The following CDH13 variants were observed in gnomAD, a reference collection of about 807,000 sequenced individuals.
CDH13 encodes the protein cadherin-13.
CDH13 carries 24 observed loss-of-function variants against 63.8 expected under a neutral mutation model. The observed-to-expected ratio is 0.38, with a 90% CI of 0.27 to 0.53. The LOEUF (loss-of-function observed/expected upper bound fraction) is 0.53, where lower values mean the gene tolerates loss of function less well. Among genes scored for constraint, CDH13 ranks in the 20% least tolerant of loss-of-function variants. CDH13 has a pLI of 0.85. For synonymous variants in CDH13, 503 were observed against 355.3 expected, an observed-to-expected ratio of 1.42 and a Z score of -4.67; for missense variants, 1,049 against 903.1, an observed-to-expected ratio of 1.16 and a Z score of -2.07.
chr16:83,235,777 T>C (rs1381884312), intron 5 of CDH13, among the ~76,000 whole-genome samples: 1 of 152,184 alleles, frequency 6.6e-6, no homozygotes, highest in Non-Finnish European at 1.5e-5. Context: ...TTAAGCACGT[T>C]ATATTTTAAG....
chr16:83,186,626 A>G lies in CDH13; in HGVS notation c.484-30719A>G, dbSNP rs73606340. On this transcript the variant is annotated intron_variant, in intron 4 of 13. Transcript: ENST00000567109. ...TGTTTAATCTACCCCTTCTCTGCCC[A>G]AGACTGTAGTATGTCGTCAGGGTTG... is the stretch of plus-strand genomic sequence containing the variant. Among the ~76,000 whole-genome samples, 1,138 of 152,270 alleles carry G rather than the reference A, an allele frequency of 7.5e-3. 14 individuals carry two copies. Among genetic ancestry groups the G allele is most frequent in the African/African-American group, 0.026 (1,094 of 41,544 alleles).
At chr16:82,982,955 T>G (rs1201467846) in intron 2 of CDH13, among the ~76,000 whole-genome samples, 1 of 152,098 alleles carries the variant, frequency 6.6e-6, no homozygotes, top group Admixed American at 6.6e-5. Context: ...TTTCGTTTGC[T>G]AAGCATGGTG....
At chr16:83,729,717 A>T (rs972832051) in intron 10 of CDH13, among the ~76,000 whole-genome samples, 1 of 152,212 alleles carries the variant, frequency 6.6e-6, no homozygotes, top group Non-Finnish European at 1.5e-5. Flanking sequence ...AAGTGCTTGG[A>T]AATTCCCTGG....
At chr16:83,384,339 G>A (rs938799729) in intron 6 of CDH13, among the ~76,000 whole-genome samples, 5 of 152,082 alleles carry the variant, frequency 3.3e-5, no homozygotes, top group Non-Finnish European at 7.4e-5. Flanking sequence ...CATATCCCAG[G>A]CTACCAGCAG....
intron 2 of CDH13, among the ~76,000 whole-genome samples, chr16:82,880,290 A>G (rs1201918850): frequency 6.6e-6 from 1 of 152,108 alleles, no homozygotes; most frequent in Non-Finnish European, 1.5e-5. Context: ...TCAGCAAGCT[A>G]CGTGGATGAG....
chr16:82,799,864 G>A (rs1426672689), intron 1 of CDH13, among the ~76,000 whole-genome samples: 1 of 152,116 alleles, frequency 6.6e-6, no homozygotes, highest in Non-Finnish European at 1.5e-5. Context: ...ATGGATTTTG[G>A]CTTTATGGCA....
At chr16:83,604,579 G>T (rs552193130) in intron 8 of CDH13, among the ~76,000 whole-genome samples, 1 of 152,224 alleles carries the variant, frequency 6.6e-6, no homozygotes, top group East Asian at 1.9e-4. Context: ...GGTCTGTGGG[G>T]TTTCTCATTC....
intron 7 of CDH13, among the ~76,000 whole-genome samples, chr16:83,491,606 A>G (rs143071140): frequency 5.3e-4 from 81 of 151,798 alleles, no homozygotes; most frequent in Non-Finnish European, 8.8e-4. Flanking sequence ...AATAGTTTCC[A>G]AAATAGACTC....
intron 1 of CDH13, among the ~76,000 whole-genome samples, chr16:82,734,622 A>G (rs941537044): frequency 1.3e-5 from 2 of 152,212 alleles, no homozygotes; most frequent in African/African-American, 4.8e-5. Context: ...ATTCAGGGCC[A>G]ACACCTATGG....
intron 4 of CDH13, among the ~76,000 whole-genome samples, chr16:83,187,724 G>C (rs1463695354): frequency 6.6e-6 from 1 of 152,154 alleles, no homozygotes; most frequent in East Asian, 1.9e-4. Context: ...GAACAGAACA[G>C]ACCAAGCCCT....
At chr16:83,442,181 T>A (rs532582014) in intron 6 of CDH13, among the ~76,000 whole-genome samples, 2 of 152,290 alleles carry the variant, frequency 1.3e-5, no homozygotes, top group Admixed American at 1.3e-4. Context: ...ATTCACTGAG[T>A]GCCTTAATGG....
At chr16:83,722,841 C>G (rs1459950510) in intron 10 of CDH13, among the ~76,000 whole-genome samples, 1 of 152,216 alleles carries the variant, frequency 6.6e-6, no homozygotes, top group Non-Finnish European at 1.5e-5. Context: ...AAGACAGCAG[C>G]TTCATATTTC....
At chr16:82,800,732 A>G (rs2151159212) in intron 1 of CDH13, among the ~76,000 whole-genome samples, 1 of 152,338 alleles carries the variant, frequency 6.6e-6, no homozygotes, top group East Asian at 1.9e-4. Flanking sequence ...AAGAGAAAGA[A>G]CAGGATTTAC....
chr16:82,954,880 T>C (rs193012957), intron 2 of CDH13: 1 of 152,328 alleles, frequency 6.6e-6, no homozygotes, highest in Non-Finnish European at 1.5e-5. Flanking sequence ...AGAAACTGAA[T>C]ATAATATCTG....
In CDH13 at chr16:83,733,058, G is replaced by A. The variant is rs114389341; in HGVS notation, c.1539-15050G>A. Among the ~76,000 whole-genome samples, 1,094 of 152,258 alleles carry A rather than the reference G, an allele frequency of 7.2e-3. 14 individuals are homozygous for A. The highest frequency in any genetic ancestry group is 0.025 in the African/African-American group (1,040 of 41,532). Reference sequence around the variant, plus strand: ...GCCTTGGTGAAGATACGCATCCCAAGGGCAGGAAGCTCCCCACCTTGATCA... The same window carrying A: ...GCCTTGGTGAAGATACGCATCCCAAAGGCAGGAAGCTCCCCACCTTGATCA... On this transcript the variant is annotated intron_variant, in intron 10 of 13. Transcript: ENST00000567109.
intron 1 of CDH13, among the ~76,000 whole-genome samples, chr16:82,807,665 G>T (rs2037216687): frequency 6.6e-6 from 1 of 152,140 alleles, no homozygotes; most frequent in Admixed American, 6.5e-5. Flanking sequence ...TTAAGCTAAA[G>T]CCTTTATGAG....
At chr16:83,364,610 T>C (rs530089973) in intron 6 of CDH13, among the ~76,000 whole-genome samples, 2 of 152,196 alleles carry the variant, frequency 1.3e-5, no homozygotes, top group African/African-American at 4.8e-5. Context: ...AGAGGAAAAA[T>C]GGAGCTGGAA....
chr16:83,570,016 T>C (rs1904425760), intron 7 of CDH13, among the ~76,000 whole-genome samples: 1 of 152,122 alleles, frequency 6.6e-6, no homozygotes, highest in African/African-American at 2.4e-5. Context: ...ATTACAGGAG[T>C]GAGCCACCGT....
chr16:83,237,584 G>A (rs1218426071), intron 5 of CDH13, among the ~76,000 whole-genome samples: 1 of 152,210 alleles, frequency 6.6e-6, no homozygotes, highest in Non-Finnish European at 1.5e-5. Flanking sequence ...TTAAATAGCT[G>A]CATTTGGCTG....
Sources: allele counts gnomAD v4.1 joint callset (sites outside exome capture counted in the v4.1 genomes callset), GRCh38; gene constraint gnomAD v4.1.1; transcripts MANE v1.5; gene names NCBI Gene and HGNC (gene_info 2026-07-23, HGNC 2026-07-21).